Variants in CSMD3 observed in about 807,000 individuals in gnomAD.
CSMD3 encodes the protein CUB and sushi domain-containing protein 3.
Under a neutral mutation model 435.2 loss-of-function variants are expected in CSMD3, and 177 were observed. The observed-to-expected ratio is 0.41, with a 90% CI of 0.36 to 0.46. The LOEUF (loss-of-function observed/expected upper bound fraction) is 0.46, where lower values mean the gene tolerates loss of function less well. Ranked by LOEUF, CSMD3 falls within the 20% of genes least tolerant of loss-of-function variation. The probability of loss-of-function intolerance (pLI) is 0.34; values close to 1 mark genes in which losing one functional copy is unlikely to be tolerated. For missense variants in CSMD3, 4,265 were observed against 4,504.6 expected (o/e 0.95, Z 1.52); for synonymous variants, 1,656 against 1,520.5 (o/e 1.09, Z -2.07).
At chr8:113,188,380 G>A (rs2092539146) in intron 3 of CSMD3, among the ~76,000 whole-genome samples, 1 of 151,868 alleles carries the variant, frequency 6.6e-6, no homozygotes, top group South Asian at 2.1e-4. Context: ...GAAAAATTGG[G>A]GAGATAGGAA....
At chr8:113,218,103 CAT>C (rs3048832) in intron 3 of CSMD3, among the ~76,000 whole-genome samples, 12 of 146,822 alleles carry the variant, frequency 8.2e-5, no homozygotes, top group South Asian at 2.1e-4. Flanking sequence ...ATATGCTATT[CAT>C]ATATATATAT....
chr8:113,319,420 T>C (rs1262078183), intron 1 of CSMD3, among the ~76,000 whole-genome samples: 2 of 152,066 alleles, frequency 1.3e-5, no homozygotes, highest in Non-Finnish European at 2.9e-5. Flanking sequence ...TTTTTTCTGC[T>C]ATTGAGTTAT....
intron 29 of CSMD3, among the ~76,000 whole-genome samples, chr8:112,504,620 A>C (rs975342700): frequency 6.6e-6 from 1 of 152,166 alleles, no homozygotes; most frequent in African/African-American, 2.4e-5. Flanking sequence ...ATATCAAACC[A>C]ATACATTATC....
At chr8:113,415,659 T>C (rs150367378) in intron 1 of CSMD3, among the ~76,000 whole-genome samples, 10 of 152,260 alleles carry the variant, frequency 6.6e-5, no homozygotes, top group Non-Finnish European at 1.2e-4. Flanking sequence ...ATTAGAAATA[T>C]AACACATTTC....
chr8:113,177,857 A>G (rs368241349), intron 3 of CSMD3, among the ~76,000 whole-genome samples: 5 of 152,146 alleles, frequency 3.3e-5, no homozygotes, highest in Admixed American at 1.3e-4. Context: ...TTTTGACAAC[A>G]TAGACTATTC....
chr8:112,764,946 G>A (rs2077938900), intron 13 of CSMD3, among the ~76,000 whole-genome samples: 1 of 151,420 alleles, frequency 6.6e-6, no homozygotes, highest in Non-Finnish European at 1.5e-5. Flanking sequence ...TATAAAGCAA[G>A]CAAGGAAGGG....
chr8:113,283,524 A>T (rs1253662108), intron 2 of CSMD3, among the ~76,000 whole-genome samples: 1 of 152,142 alleles, frequency 6.6e-6, no homozygotes, highest in Non-Finnish European at 1.5e-5. Flanking sequence ...CAAAACTACA[A>T]TGCAATACCA....
chr8:113,080,270 C>T (rs982967530), intron 5 of CSMD3, among the ~76,000 whole-genome samples: 1 of 152,142 alleles, frequency 6.6e-6, no homozygotes, highest in African/African-American at 2.4e-5. Context: ...TTTTACATCT[C>T]TCTTTCTTAA....
chr8:112,564,098 T>C (rs1313293684), intron 24 of CSMD3, among the ~76,000 whole-genome samples: 1 of 152,010 alleles, frequency 6.6e-6, no homozygotes, highest in Admixed American at 6.6e-5. Flanking sequence ...TGAACTTCCC[T>C]CTACTGTGAA....
At chr8:112,825,971 C>T (rs2079667919) in intron 12 of CSMD3, among the ~76,000 whole-genome samples, 1 of 152,156 alleles carries the variant, frequency 6.6e-6, no homozygotes, top group African/African-American at 2.4e-5. Context: ...GAGACTGTGG[C>T]CACACCTCCC....
chr8:113,198,296 G>A (rs913057882), intron 3 of CSMD3, among the ~76,000 whole-genome samples: 1 of 151,156 alleles, frequency 6.6e-6, no homozygotes, highest in African/African-American at 2.4e-5. Flanking sequence ...CTGCACATAT[G>A]CCATCATCCT....
At chr8:113,255,365 A>G (rs1459079359) in intron 3 of CSMD3, among the ~76,000 whole-genome samples, 1 of 152,106 alleles carries the variant, frequency 6.6e-6, no homozygotes, top group Non-Finnish European at 1.5e-5. Flanking sequence ...TTATAAAATG[A>G]AAACTTTTGC....
At chr8:113,212,306 G>A (rs933599349) in intron 3 of CSMD3, among the ~76,000 whole-genome samples, 57 of 152,078 alleles carry the variant, frequency 3.7e-4, no homozygotes, top group African/African-American at 1.4e-3. Flanking sequence ...AAAGAATGAG[G>A]TATATATTGA....
At chr8:113,344,268 A>C (rs1448669644) in intron 1 of CSMD3, among the ~76,000 whole-genome samples, 1 of 152,082 alleles carries the variant, frequency 6.6e-6, no homozygotes, top group Non-Finnish European at 1.5e-5. Context: ...AAAAGCCTAA[A>C]ACCAAATTTT....
intron 13 of CSMD3, among the ~76,000 whole-genome samples, chr8:112,795,140 A>C (rs1440049589): frequency 6.6e-6 from 1 of 152,156 alleles, no homozygotes; most frequent in African/African-American, 2.4e-5. Flanking sequence ...TCATTCTTTA[A>C]TACTACCATA....
chr8:112,304,053 A>C (rs1821177696), intron 52 of CSMD3, among the ~76,000 whole-genome samples: 1 of 152,160 alleles, frequency 6.6e-6, no homozygotes, highest in African/African-American at 2.4e-5. Flanking sequence ...TATATTAGAT[A>C]CTGGCCATTT....
At chr8:113,380,258 T>G (rs562377565) in intron 1 of CSMD3, among the ~76,000 whole-genome samples, 1 of 152,192 alleles carries the variant, frequency 6.6e-6, no homozygotes, top group Non-Finnish European at 1.5e-5. Flanking sequence ...GTTTATCTTA[T>G]AACATTCTAA....
At chr8:112,867,949 T>A (rs2081030650) in intron 10 of CSMD3, among the ~76,000 whole-genome samples, 1 of 152,206 alleles carries the variant, frequency 6.6e-6, no homozygotes, top group African/African-American at 2.4e-5. Context: ...CCACAATTTT[T>A]TAAACTTTTG....
At chr8:113,011,477 T>C (rs1164661581) in intron 6 of CSMD3, among the ~76,000 whole-genome samples, 1 of 151,682 alleles carries the variant, frequency 6.6e-6, no homozygotes, top group Non-Finnish European at 1.5e-5. Context: ...TTCTATCAAA[T>C]ACACATACAA....
Sources: gnomAD v4.1 joint callset for allele counts (sites outside exome capture counted in the v4.1 genomes callset) on GRCh38, gnomAD v4.1.1 for gene constraint, MANE v1.5 for transcripts, NCBI Gene and HGNC (gene_info 2026-07-23, HGNC 2026-07-21) for gene names.